Variants in TAFA2 observed in about 807,000 individuals in gnomAD.
The protein encoded by TAFA2 is chemokine-like protein TAFA-2.
In TAFA2, 7 loss-of-function variants were observed where a neutral mutation model predicts 18.8. The ratio of observed to expected loss-of-function variants is 0.37; its 90% CI spans 0.21 to 0.70. The LOEUF is 0.70. Among genes scored for constraint, TAFA2 ranks in the 30% least tolerant of loss-of-function variants. The pLI is 0.53. For synonymous variants in TAFA2, 60 were observed against 54.2 expected, an observed-to-expected ratio of 1.11 and a Z score of -0.47; for missense variants, 122 against 158.1, an observed-to-expected ratio of 0.77 and a Z score of 1.23.
chr12:62,052,379 A>G (rs757317425), intron 1 of TAFA2, among the ~76,000 whole-genome samples: 4 of 152,056 alleles, frequency 2.6e-5, no homozygotes, highest in Non-Finnish European at 5.9e-5. Flanking sequence ...TGTTGTACAG[A>G]TGGAGTCTCA....
intron 1 of TAFA2, among the ~76,000 whole-genome samples, chr12:62,226,875 G>C (rs554688411): frequency 6.6e-6 from 1 of 152,274 alleles, no homozygotes; most frequent in East Asian, 1.9e-4. Context: ...TGCTGCTTTA[G>C]TTCAGGCCCA....
At chr12:61,865,561 A>G (rs1232133498) in intron 2 of TAFA2, among the ~76,000 whole-genome samples, 1 of 152,190 alleles carries the variant, frequency 6.6e-6, no homozygotes, top group Non-Finnish European at 1.5e-5. Flanking sequence ...TGACCATTTG[A>G]GTTTTCTGAC....
rs1442601730 is a variant in TAFA2 at position 62,045,763 on chromosome 12, C to T, written c.-2+145496G>A. Among the ~76,000 whole-genome samples, 6 of 152,160 alleles carry T rather than the reference C, an allele frequency of 3.9e-5. 1 individual carries two copies. The highest frequency in any genetic ancestry group is 1.4e-4 in the African/African-American group (6 of 41,530). ...TTTTTTTCTTTTTCCTCTCTCCTTACCAAAATCAATCAAATTACAATGGCT... is the reference window on the plus strand; with the variant it reads ...TTTTTTTCTTTTTCCTCTCTCCTTATCAAAATCAATCAAATTACAATGGCT... On this transcript the variant is annotated intron_variant, in intron 1 of 4. Transcript: ENST00000416284.
At chr12:62,000,420 A>C (rs573514990) in intron 1 of TAFA2, among the ~76,000 whole-genome samples, 1 of 146,368 alleles carries the variant, frequency 6.8e-6, no homozygotes, top group South Asian at 2.2e-4. Context: ...TGTGGAGTAC[A>C]TGGACCTCTC....
intron 2 of TAFA2, among the ~76,000 whole-genome samples, chr12:61,773,900 G>T (rs1870141923): frequency 6.6e-6 from 1 of 151,994 alleles, no homozygotes; most frequent in South Asian, 2.1e-4. Flanking sequence ...GTAATAATCT[G>T]CAGAGTTGAC....
At chr12:62,228,364 T>C (rs1215168587) in intron 1 of TAFA2, among the ~76,000 whole-genome samples, 2 of 152,210 alleles carry the variant, frequency 1.3e-5, no homozygotes, top group Admixed American at 6.5e-5. Context: ...CAGGTGTCTT[T>C]TTGGTAGAAT....
At chr12:61,910,201 T>C (rs2121340929) in intron 1 of TAFA2, among the ~76,000 whole-genome samples, 1 of 151,910 alleles carries the variant, frequency 6.6e-6, no homozygotes, top group Non-Finnish European at 1.5e-5. Flanking sequence ...GACACAGGCA[T>C]GAACTAACAA....
At chr12:61,974,354 T>C (rs1019888806) in intron 1 of TAFA2, among the ~76,000 whole-genome samples, 13 of 151,800 alleles carry the variant, frequency 8.6e-5, no homozygotes, top group African/African-American at 3.1e-4. Flanking sequence ...TTATCTCTAA[T>C]TCCAATTCTA....
chr12:61,815,230 A>G (rs1383442539), intron 2 of TAFA2, among the ~76,000 whole-genome samples: 4 of 151,552 alleles, frequency 2.6e-5, no homozygotes, highest in African/African-American at 9.8e-5. Context: ...TTGAACAGGT[A>G]GGTAGATAAT....
chr12:62,181,869 A>C (rs983574635), intron 1 of TAFA2, among the ~76,000 whole-genome samples: 1 of 152,228 alleles, frequency 6.6e-6, no homozygotes, highest in African/African-American at 2.4e-5. Flanking sequence ...TCCTATAGGA[A>C]TCACTTATGG....
intron 1 of TAFA2, among the ~76,000 whole-genome samples, chr12:61,983,957 C>T (rs751570449): frequency 1.3e-5 from 2 of 152,090 alleles, no homozygotes; most frequent in Admixed American, 1.3e-4. Flanking sequence ...ATCGCTCATT[C>T]TCTCACCTCA....
chr12:62,227,728 T>C (rs1183890414), intron 1 of TAFA2, among the ~76,000 whole-genome samples: 1 of 152,180 alleles, frequency 6.6e-6, no homozygotes, highest in Non-Finnish European at 1.5e-5. Flanking sequence ...TTCCCAAAGT[T>C]TTCTTCTCAT....
chr12:61,804,814 A>T (rs1209446144), intron 2 of TAFA2, among the ~76,000 whole-genome samples: 1 of 152,074 alleles, frequency 6.6e-6, no homozygotes. Flanking sequence ...TGAGGAAAGT[A>T]AGGCACACAG....
At chr12:61,713,960 C>A (rs1316130147) in intron 4 of TAFA2, among the ~76,000 whole-genome samples, 1 of 152,164 alleles carries the variant, frequency 6.6e-6, no homozygotes, top group Non-Finnish European at 1.5e-5. Flanking sequence ...CATATTTTTA[C>A]AACTTAAATA....
At chr12:61,989,385 C>T (rs915914242) in intron 1 of TAFA2, among the ~76,000 whole-genome samples, 1 of 149,490 alleles carries the variant, frequency 6.7e-6, no homozygotes, top group African/African-American at 2.5e-5. Flanking sequence ...CCCCCACTTA[C>T]TCCCCCAACC....
At chr12:61,910,697 G>T (rs139863684) in intron 1 of TAFA2, among the ~76,000 whole-genome samples, 3 of 152,294 alleles carry the variant, frequency 2.0e-5, no homozygotes, top group Admixed American at 6.5e-5. Flanking sequence ...GCTAGCCCCA[G>T]GTCACACATA....
chr12:62,140,995 C>T (rs1173304931), intron 1 of TAFA2, among the ~76,000 whole-genome samples: 1 of 152,184 alleles, frequency 6.6e-6, no homozygotes, highest in Admixed American at 6.5e-5. Context: ...AGGTGCTGTG[C>T]TGAGTGCTTT....
At chr12:62,172,981 AT>A (rs2136942812) in intron 1 of TAFA2, among the ~76,000 whole-genome samples, 1 of 152,294 alleles carries the variant, frequency 6.6e-6, no homozygotes, top group African/African-American at 2.4e-5. Context: ...ATTGATACTG[AT>A]CCCTTAGGCT....
intron 1 of TAFA2, among the ~76,000 whole-genome samples, chr12:61,977,889 TGAAGG>T (rs1342377043): frequency 6.9e-6 from 1 of 144,156 alleles, no homozygotes; most frequent in Non-Finnish European, 1.5e-5. Context: ...CCTTTGATTG[TGAAGG>T]GGAGAGGATA....
Sources: allele counts gnomAD v4.1 joint callset (sites outside exome capture counted in the v4.1 genomes callset), GRCh38; gene constraint gnomAD v4.1.1; transcripts MANE v1.5; gene names NCBI Gene and HGNC (gene_info 2026-07-23, HGNC 2026-07-21).